Variants in PPP4R2 observed in about 807,000 individuals in gnomAD.
The protein encoded by PPP4R2 is serine/threonine-protein phosphatase 4 regulatory subunit 2.
In PPP4R2, 13 loss-of-function variants were observed where a neutral mutation model predicts 47.2. The ratio of observed to expected loss-of-function variants is 0.28; its 90% CI spans 0.18 to 0.44. PPP4R2 has a LOEUF of 0.44. Ranked by LOEUF, PPP4R2 falls within the 20% of genes least tolerant of loss-of-function variation. The pLI, the probability that PPP4R2 is intolerant of heterozygous loss-of-function variation, is 1.00. For missense variants in PPP4R2, 421 were observed against 491.2 expected (o/e 0.86, Z 1.35); for synonymous variants, 151 against 163.3 (o/e 0.92, Z 0.57).
At position 73,068,818 on chromosome 3, in the gene PPP4R2, A is replaced by T. The variant is rs531310090; in HGVS notation, c.*3096A>T. ...AGCTGCTACAATGTTTGATTATGAA[A>T]AAAATGTAACATGGTAAGGATGAAA... On this transcript the variant is annotated 3_prime_UTR_variant, in exon 9 of 9. Transcript: ENST00000356692. The T allele has an allele frequency of 5.9e-5, 9 of 152,372 alleles. No individual in the cohort carries two copies. The South Asian group carries it at 1.4e-3, about 25-fold the overall frequency. The allele number at this position is 152,372 out of a possible 1,614,324, so 9.4% of individuals were successfully genotyped here. A position where few individuals can be genotyped will look rare whatever the true frequency, so the allele number is the denominator to read the frequency against.
rs1315739386 is a variant in PPP4R2 at position 73,065,568 on chromosome 3, A to G, written c.1100A>G (p.Glu367Gly). 3.7e-6 allele frequency: 6 copies of G among 1,613,364 alleles called. No homozygotes were observed. The South Asian group carries it at 5.5e-5, about 15-fold the overall frequency. ...DLLHSEGSEN[E>G]GPVSSSSSDC... ...CTACATTCTGAAGGTAGTGAAAACGAAGGCCCTGTAAGTAGTAGTTCTTCT... is the reference window on the plus strand; with the variant it reads ...CTACATTCTGAAGGTAGTGAAAACGGAGGCCCTGTAAGTAGTAGTTCTTCT... The change falls in exon 9 of 9, where the codon GAA (glutamate) becomes GGA (glycine). Residue 367 changes from glutamate to glycine, a missense_variant. Transcript: ENST00000356692.
At chr3:73,002,149 TC>T (rs1185887583) in intron 2 of PPP4R2, among the ~76,000 whole-genome samples, 1 of 152,238 alleles carries the variant, frequency 6.6e-6, no homozygotes, top group African/African-American at 2.4e-5. Flanking sequence ...GGCCTATAGT[TC>T]CATCCATGTT....
chr3:73,016,458 T>A (rs1453102892), intron 2 of PPP4R2, among the ~76,000 whole-genome samples: 1 of 152,130 alleles, frequency 6.6e-6, no homozygotes, highest in Non-Finnish European at 1.5e-5. Context: ...TGGCCCCAAA[T>A]GTCAGTAGTG....
chr3:73,054,378 T>C (rs1480782499), intron 3 of PPP4R2, among the ~76,000 whole-genome samples: 1 of 152,238 alleles, frequency 6.6e-6, no homozygotes, highest in Non-Finnish European at 1.5e-5. Context: ...CTGCTTCAAG[T>C]AAAGCTAGTA....
chr3:73,018,835 A>T (rs891717779), intron 2 of PPP4R2, among the ~76,000 whole-genome samples: 2 of 152,120 alleles, frequency 1.3e-5, no homozygotes, highest in Non-Finnish European at 2.9e-5. Flanking sequence ...TTTACTGAGA[A>T]GTTTTCTTGG....
intron 2 of PPP4R2, among the ~76,000 whole-genome samples, chr3:73,028,456 A>C (rs1674439454): frequency 6.6e-6 from 1 of 151,980 alleles, no homozygotes; most frequent in African/African-American, 2.4e-5. Context: ...AAATCCAGGT[A>C]GAAGACTTTT....
In PPP4R2 at chr3:73,065,028, T is replaced by C. The variant is rs774687619; in HGVS notation, c.815T>C (p.Met272Thr). The C allele has an allele frequency of 1.1e-5, 18 of 1,613,932 alleles. No individual in the cohort carries two copies. Among genetic ancestry groups the C allele is most frequent in the African/African-American group, 1.3e-5 (1 of 75,016 alleles). ...ACTTCCAGCGAAATTTCTTCAGTTA[T>C]GGTAGGAGAAACAGAAGCATCATCT... ...QTTSSEISSV[M>T]VGETEASSSS... The change falls in exon 8 of 9, where the codon ATG (methionine) becomes ACG (threonine). Residue 272 changes from methionine (M) to threonine (T), a missense_variant. Met to Thr is a moderately conservative substitution (Grantham distance 81, BLOSUM62 -1). Transcript: ENST00000356692.
intron 2 of PPP4R2, among the ~76,000 whole-genome samples, chr3:73,045,829 A>T (rs1369850571): frequency 6.6e-6 from 1 of 152,102 alleles, no homozygotes; most frequent in Non-Finnish European, 1.5e-5. Context: ...AATAAGCTTT[A>T]TTTGTGTGGC....
chr3:73,055,075 C>T (rs1404631809), intron 3 of PPP4R2, among the ~76,000 whole-genome samples: 1 of 151,782 alleles, frequency 6.6e-6, no homozygotes, highest in Non-Finnish European at 1.5e-5. Flanking sequence ...AATGTGTGGT[C>T]CTATTAATTA....
Position 73,016,274 on chromosome 3 carries a change from T to G in PPP4R2, c.116+18116T>G, listed in dbSNP as rs1169540409. The G allele has an allele frequency of 2.0e-4, 7 of 34,596 alleles. 1 individual carries two copies. The highest frequency in any genetic ancestry group is 4.3e-4 in the Non-Finnish European group (7 of 16,448). 2.1% of individuals were successfully genotyped at this position (34,596 alleles called of 1,614,324 possible). A position where few individuals can be genotyped will look rare whatever the true frequency, so the allele number is the denominator to read the frequency against. Reference sequence around the variant, plus strand: ...TAATTCTATAATATTCTCGTTCACTTTTTTTTTTCAATGCCTTATAGCAGT... The same window carrying G: ...TAATTCTATAATATTCTCGTTCACTGTTTTTTTTCAATGCCTTATAGCAGT... On this transcript the variant is annotated intron_variant, in intron 2 of 8. Coordinates refer to ENST00000356692, the MANE Select transcript of PPP4R2 (RefSeq NM_174907.4).
At position 73,066,755 on chromosome 3, in the gene PPP4R2, ATATAT is replaced by A. The variant is rs755731541; in HGVS notation, c.*1036_*1040del. On this transcript the variant is annotated 3_prime_UTR_variant, in exon 9 of 9. Transcript: ENST00000356692. ...AAACACCACTGTACTGGAAGAATTA[ATATAT>A]TACTTTAGTATGTACCTGAGCTAAA... is the stretch of plus-strand genomic sequence containing the variant. 6.6e-6 allele frequency: 1 copy of A among 152,098 alleles called. No individual in the cohort carries two copies. The highest frequency in any genetic ancestry group is 1.5e-5 in the Non-Finnish European group (1 of 67,960). The allele number at this position is 152,098 out of a possible 1,614,324, so 9.4% of individuals were successfully genotyped here.
chr3:73,016,729 G>GTTTTTT (rs752008242), intron 2 of PPP4R2, among the ~76,000 whole-genome samples: 1 of 69,828 alleles, frequency 1.4e-5, no homozygotes, highest in Non-Finnish European at 2.9e-5. Flanking sequence ...TTGGTTCATT[G>GTTTTTT]TTTATTTTTA....
At position 73,035,410 on chromosome 3, in the gene PPP4R2, G is replaced by C. The variant is rs1702244190; in HGVS notation, c.117-11776G>C. 2.6e-5 allele frequency among the ~76,000 whole-genome samples: 4 copies of C among 151,878 alleles called. No individual in the cohort carries two copies. The South Asian group carries it at 8.3e-4, about 31-fold the overall frequency. On this transcript the variant is annotated intron_variant, in intron 2 of 8. Transcript: ENST00000356692. ...GTGAGACCCTGTCTAAAAAAGGAAAGAAAAAGAAATGGCAGATTCTGGCAA... is the reference window on the plus strand; with the variant it reads ...GTGAGACCCTGTCTAAAAAAGGAAACAAAAAGAAATGGCAGATTCTGGCAA...
Position 73,045,789 on chromosome 3 carries a change from G to A in PPP4R2, c.117-1397G>A, listed in dbSNP as rs143712533. Among the ~76,000 whole-genome samples the A allele has an allele frequency of 1.4e-4, 22 of 152,206 alleles. No individual in the cohort carries two copies. The East Asian group carries it at 2.7e-3, about 19-fold the overall frequency. On this transcript the variant is annotated intron_variant, in intron 2 of 8. Transcript: ENST00000356692. Reference sequence around the variant, plus strand: ...TGATCCGCCTGCTGGGTTTACAGGTGTGAGCCATCACACCCAGTCTGCTAA... The same window carrying A: ...TGATCCGCCTGCTGGGTTTACAGGTATGAGCCATCACACCCAGTCTGCTAA...
chr3:72,999,095 A>G (rs1272542535), intron 2 of PPP4R2, among the ~76,000 whole-genome samples: 1 of 152,204 alleles, frequency 6.6e-6, no homozygotes, highest in East Asian at 1.9e-4. Context: ...TAGAAAGAAA[A>G]AAACCTTTGC....
intron 2 of PPP4R2, among the ~76,000 whole-genome samples, chr3:73,022,535 G>T (rs1003220577): frequency 2.6e-5 from 4 of 152,240 alleles, no homozygotes; most frequent in East Asian, 1.9e-4. Flanking sequence ...GAATAAAATT[G>T]AAATTTAAAT....
intron 2 of PPP4R2, among the ~76,000 whole-genome samples, chr3:73,008,992 A>G (rs1701669992): frequency 6.6e-6 from 1 of 152,196 alleles, no homozygotes; most frequent in Admixed American, 6.5e-5. Context: ...TGGGGATTAA[A>G]TGAGTTTATA....
At chr3:73,052,864 A>G (rs2107321424) in intron 3 of PPP4R2, among the ~76,000 whole-genome samples, 1 of 152,378 alleles carries the variant, frequency 6.6e-6, no homozygotes, top group East Asian at 1.9e-4. Context: ...TAATCTTTAT[A>G]TCATCTGTTA....
intron 2 of PPP4R2, among the ~76,000 whole-genome samples, chr3:73,012,539 G>T (rs1331234585): frequency 2.0e-5 from 3 of 152,176 alleles, no homozygotes; most frequent in Admixed American, 6.5e-5. Flanking sequence ...CTGACCTCAT[G>T]ATCCACCCAC....
Sources: gnomAD v4.1 joint callset for allele counts (sites outside exome capture counted in the v4.1 genomes callset) on GRCh38, gnomAD v4.1.1 for gene constraint, MANE v1.5 for transcripts, NCBI Gene and HGNC (gene_info 2026-07-23, HGNC 2026-07-21) for gene names.